The following CNTN4 variants were observed in gnomAD, a reference collection of about 807,000 sequenced individuals.
CNTN4 encodes the protein contactin 4, also known as contactin-4.
A neutral mutation model predicts 122.5 loss-of-function variants in CNTN4; 77 were observed. The ratio of observed to expected loss-of-function variants is 0.63; its 90% CI spans 0.52 to 0.76. CNTN4 has a LOEUF of 0.76. CNTN4 is among the 30% of genes least tolerant of loss of function. The pLI is 0.00. For missense variants in CNTN4, 1,256 were observed against 1,259.1 expected (o/e 1.00, Z 0.04); for synonymous variants, 512 against 447.0 (o/e 1.15, Z -1.83).
chr3:2,301,060 A>G (rs925653536), intron 2 of CNTN4, among the ~76,000 whole-genome samples: 17 of 152,254 alleles, frequency 1.1e-4, no homozygotes, highest in African/African-American at 3.9e-4. Context: ...CATCCTTGCT[A>G]TGTCCTTGAT....
chr3:2,774,631 C>T (rs2091242462), intron 6 of CNTN4, among the ~76,000 whole-genome samples: 1 of 152,068 alleles, frequency 6.6e-6, no homozygotes, highest in African/African-American at 2.4e-5. Context: ...AACTTTGGAA[C>T]TGCATACTAG....
chr3:2,769,023 C>T (rs990883884), intron 6 of CNTN4, among the ~76,000 whole-genome samples: 32 of 152,112 alleles, frequency 2.1e-4, no homozygotes, highest in Non-Finnish European at 1.5e-5. Flanking sequence ...CACCCTGAAG[C>T]CAAAGAAACA....
At chr3:2,975,674 TTTG>T (rs1447690043) in intron 13 of CNTN4, among the ~76,000 whole-genome samples, 1 of 152,186 alleles carries the variant, frequency 6.6e-6, no homozygotes, top group Admixed American at 6.5e-5. Context: ...ACAGCTGCAC[TTTG>T]TTATTAAACT....
chr3:2,174,850 A>G (rs184952129), intron 2 of CNTN4, among the ~76,000 whole-genome samples: 2 of 152,258 alleles, frequency 1.3e-5, no homozygotes, highest in East Asian at 1.9e-4. Context: ...TGGCAAAAGC[A>G]GGAGCAAGAG....
intron 3 of CNTN4, among the ~76,000 whole-genome samples, chr3:2,469,362 C>A (rs1467698117): frequency 2.0e-5 from 3 of 152,184 alleles, no homozygotes; most frequent in African/African-American, 7.2e-5. Context: ...AAACCTGCAA[C>A]TGATCATTTG....
chr3:2,743,725 A>G (rs1253953434), intron 5 of CNTN4, among the ~76,000 whole-genome samples: 1 of 152,234 alleles, frequency 6.6e-6, no homozygotes. Context: ...ATTTAGGTAA[A>G]TTATCTACAG....
chr3:3,000,904 A>G (rs1277345961), intron 14 of CNTN4, among the ~76,000 whole-genome samples: 1 of 145,082 alleles, frequency 6.9e-6, no homozygotes, highest in Non-Finnish European at 1.5e-5. Context: ...TTTGCTTTCA[A>G]TGTGAATTTA....
chr3:2,479,136 T>C (rs1185225298), intron 3 of CNTN4, among the ~76,000 whole-genome samples: 1 of 152,166 alleles, frequency 6.6e-6, no homozygotes, highest in Non-Finnish European at 1.5e-5. Context: ...TCAATAATAT[T>C]TGTTTTGTTT....
At chr3:2,296,754 G>A (rs528842457) in intron 2 of CNTN4, among the ~76,000 whole-genome samples, 1 of 149,910 alleles carries the variant, frequency 6.7e-6, no homozygotes, top group East Asian at 2.0e-4. Context: ...TATGCAACAG[G>A]TGTTTGTTTA....
chr3:2,937,914 G>C (rs1301009458), intron 13 of CNTN4, among the ~76,000 whole-genome samples: 1 of 152,170 alleles, frequency 6.6e-6, no homozygotes, highest in African/African-American at 2.4e-5. Flanking sequence ...CAAGAAATGA[G>C]GGGAAGAGAG....
intron 2 of CNTN4, among the ~76,000 whole-genome samples, chr3:2,213,079 TGTTA>T (rs2038690362): frequency 6.6e-6 from 1 of 152,150 alleles, no homozygotes; most frequent in African/African-American, 2.4e-5. Flanking sequence ...GTTTGTTTGG[TGTTA>T]GTTAGCAAGT....
intron 3 of CNTN4, among the ~76,000 whole-genome samples, chr3:2,445,070 T>A (rs924727716): frequency 2.0e-5 from 3 of 152,048 alleles, no homozygotes; most frequent in African/African-American, 7.2e-5. Flanking sequence ...TTGAACGTGA[T>A]TGAGTGTCCA....
chr3:2,205,557 C>T (rs2038303205), intron 2 of CNTN4, among the ~76,000 whole-genome samples: 1 of 151,962 alleles, frequency 6.6e-6, no homozygotes, highest in Non-Finnish European at 1.5e-5. Flanking sequence ...CAAGTTCTCA[C>T]TCAATCGTAA....
intron 3 of CNTN4, among the ~76,000 whole-genome samples, chr3:2,375,833 A>T (rs1575493118): frequency 6.6e-6 from 1 of 152,054 alleles, no homozygotes; most frequent in East Asian, 1.9e-4. Flanking sequence ...ATGCCTCTGA[A>T]TTGCTTGAAA....
intron 4 of CNTN4, among the ~76,000 whole-genome samples, chr3:2,601,050 T>C (rs1201199813): frequency 6.6e-6 from 1 of 152,200 alleles, no homozygotes; most frequent in East Asian, 1.9e-4. Context: ...ATGGGGTTGT[T>C]GTATTTTTTC....
chr3:2,624,632 T>TC (rs2082113872), intron 4 of CNTN4, among the ~76,000 whole-genome samples: 1 of 146,396 alleles, frequency 6.8e-6, no homozygotes, highest in African/African-American at 2.5e-5. Context: ...TGATTCTTTT[T>TC]TTTTTTTTTT....
At chr3:2,991,810 G>T (rs184710424) in intron 14 of CNTN4, among the ~76,000 whole-genome samples, 1 of 152,202 alleles carries the variant, frequency 6.6e-6, no homozygotes, top group Non-Finnish European at 1.5e-5. Flanking sequence ...AGCTTAGCCC[G>T]AAATATGACT....
chr3:2,430,822 C>A (rs1415554370), intron 3 of CNTN4, among the ~76,000 whole-genome samples: 1 of 151,702 alleles, frequency 6.6e-6, no homozygotes, highest in Non-Finnish European at 1.5e-5. Context: ...GTTTCATCAC[C>A]CTGGGGCACA....
chr3:2,962,034 T>C (rs989897806), intron 13 of CNTN4, among the ~76,000 whole-genome samples: 1 of 152,226 alleles, frequency 6.6e-6, no homozygotes, highest in African/African-American at 2.4e-5. Context: ...ACATTTGAAA[T>C]TTTAAGTCAT....
Sources: gnomAD v4.1 joint callset for allele counts (sites outside exome capture counted in the v4.1 genomes callset) on GRCh38, gnomAD v4.1.1 for gene constraint, MANE v1.5 for transcripts, NCBI Gene and HGNC (gene_info 2026-07-23, HGNC 2026-07-21) for gene names.